Variants in GNG7 observed in about 807,000 individuals in gnomAD.
GNG7 encodes the protein G protein subunit gamma 7, also known as guanine nucleotide-binding protein G(I)/G(S)/G(O) subunit gamma-7.
In GNG7, 1 loss-of-function variant was observed where a neutral mutation model predicts 4.0. The ratio of observed to expected loss-of-function variants is 0.25; its 90% CI spans 0.09 to 1.18. GNG7 has a LOEUF of 1.18. Among genes scored for constraint, GNG7 ranks in the 50% most tolerant of loss-of-function variants. The pLI is 0.50. For missense variants in GNG7, 86 were observed against 91.9 expected, an observed-to-expected ratio of 0.94 and a Z score of 0.26; for synonymous variants, 34 against 36.9, an observed-to-expected ratio of 0.92 and a Z score of 0.29.
rs549049441 is a variant in GNG7 at position 2,689,354 on chromosome 19, C to T, written c.-135+13292G>A. ...GCTCCTAACAAGACCACATTTGGGC[C>T]GGGCTCGGTGGGCCTCCCAGCACTT... On this transcript the variant is annotated intron_variant, in intron 1 of 4. Coordinates refer to ENST00000382159, the MANE Select transcript of GNG7 (RefSeq NM_052847.3). Among the ~76,000 whole-genome samples, 8 of 151,624 alleles carry T rather than the reference C, an allele frequency of 5.3e-5. No individual in the cohort carries two copies. In the East Asian group the frequency reaches 1.2e-3, roughly 22 times the overall value.
In GNG7 at chr19:2,634,646, G is replaced by A. The variant is rs190369730; in HGVS notation, c.-78+11578C>T. ...GTAGCAATGAGCTGTGACCTTCCGG[G>A]AGCAGAGCGTTTTCAGGCTCTGGCT... On this transcript the variant is annotated intron_variant, in intron 2 of 4. Coordinates refer to ENST00000382159, the MANE Select transcript of GNG7 (RefSeq NM_052847.3). This position sits in a 1 kb window ranked among gnomAD's most constrained non-coding sequence, Gnocchi z 5.3. Among the ~76,000 whole-genome samples the A allele has an allele frequency of 6.6e-6, 1 of 152,268 alleles. No homozygotes were observed. Among genetic ancestry groups the A allele is most frequent in the East Asian group, 1.9e-4 (1 of 5,184 alleles).
At chr19:2,544,558 T>G (rs1979064476) in intron 3 of GNG7, among the ~76,000 whole-genome samples, 1 of 152,088 alleles carries the variant, frequency 6.6e-6, no homozygotes, top group Non-Finnish European at 1.5e-5. Flanking sequence ...GCCCAGCTAA[T>G]TTTTGCATTT....
intron 2 of GNG7, among the ~76,000 whole-genome samples, chr19:2,555,662 G>T (rs767131429): frequency 1.2e-4 from 19 of 152,166 alleles, no homozygotes; most frequent in Non-Finnish European, 2.9e-5. Flanking sequence ...AATTAACCCC[G>T]AATGGAGGAA....
intron 2 of GNG7, among the ~76,000 whole-genome samples, chr19:2,637,061 C>T (rs1015814735): frequency 2.6e-5 from 4 of 152,034 alleles, no homozygotes; most frequent in African/African-American, 9.7e-5. Flanking sequence ...CACTGCACCC[C>T]CGTCCCTACC....
intron 1 of GNG7, among the ~76,000 whole-genome samples, chr19:2,701,661 C>T (rs1913403848): frequency 6.6e-6 from 1 of 150,466 alleles, no homozygotes; most frequent in African/African-American, 2.5e-5. Context: ...ATCTAATTCC[C>T]TCTGCAGCCC....
intron 2 of GNG7, among the ~76,000 whole-genome samples, chr19:2,594,567 T>G (rs1174951834): frequency 1.3e-5 from 2 of 152,244 alleles, no homozygotes; most frequent in South Asian, 2.1e-4. Flanking sequence ...CAACGGGAAT[T>G]AACATTCTGC....
chr19:2,583,624 G>C (rs1435482357), intron 2 of GNG7, among the ~76,000 whole-genome samples: 1 of 152,130 alleles, frequency 6.6e-6, no homozygotes, highest in Non-Finnish European at 1.5e-5. Flanking sequence ...CCCATAAATA[G>C]GATTGTGCAG....
intron 1 of GNG7, among the ~76,000 whole-genome samples, chr19:2,690,924 G>A (rs1048390596): frequency 6.6e-6 from 1 of 152,132 alleles, no homozygotes; most frequent in African/African-American, 2.4e-5. Context: ...TACCACAATG[G>A]TGGACACGTA....
chr19:2,667,162 A>T (rs1460328227), intron 1 of GNG7, among the ~76,000 whole-genome samples: 1 of 152,064 alleles, frequency 6.6e-6, no homozygotes, highest in African/African-American at 2.4e-5. Flanking sequence ...CGTCTCTATT[A>T]AAAATACAAA....
chr19:2,569,948 T>G (rs10416033), intron 2 of GNG7, among the ~76,000 whole-genome samples: 124,073 of 152,124 alleles, frequency 0.82, 50,789 homozygotes, highest in African/African-American at 0.85. Flanking sequence ...GACTGAGCAA[T>G]GTCAGTGACA....
At chr19:2,581,792 G>A (rs896895984) in intron 2 of GNG7, among the ~76,000 whole-genome samples, 2 of 152,214 alleles carry the variant, frequency 1.3e-5, no homozygotes, top group African/African-American at 4.8e-5. Context: ...ACAACTTTGT[G>A]GAATAAAATA....
At chr19:2,648,567 T>C (rs1982727934) in intron 1 of GNG7, among the ~76,000 whole-genome samples, 1 of 152,250 alleles carries the variant, frequency 6.6e-6, no homozygotes, top group Non-Finnish European at 1.5e-5. Flanking sequence ...GTTTCCGTTC[T>C]ACGAGCTCAG....
intron 2 of GNG7, among the ~76,000 whole-genome samples, chr19:2,590,470 C>A (rs1205102370): frequency 6.6e-6 from 1 of 152,000 alleles, no homozygotes; most frequent in African/African-American, 2.4e-5. Flanking sequence ...TCTATCCATT[C>A]ATCCACCCAT....
chr19:2,564,218 T>A (rs1979833063), intron 2 of GNG7, among the ~76,000 whole-genome samples: 1 of 152,116 alleles, frequency 6.6e-6, no homozygotes, highest in Non-Finnish European at 1.5e-5. Context: ...ATGATACGGA[T>A]CTTGGGATGA....
At chr19:2,564,560 C>T (rs530181072) in intron 2 of GNG7, among the ~76,000 whole-genome samples, 140 of 152,162 alleles carry the variant, frequency 9.2e-4, no homozygotes, top group Middle Eastern at 3.4e-3. Context: ...GGTGACAGAG[C>T]AAGACTCTGT....
At chr19:2,637,054 T>C (rs1348828450) in intron 2 of GNG7, among the ~76,000 whole-genome samples, 2 of 150,940 alleles carry the variant, frequency 1.3e-5, no homozygotes, top group Non-Finnish European at 3.0e-5. Context: ...GCACACCCAC[T>C]GCACCCCCGT....
At position 2,546,518 on chromosome 19, in the gene GNG7, GC is replaced by G. The variant is rs375802212; in HGVS notation, c.-38+8630del. On this transcript the variant is annotated intron_variant, in intron 3 of 4. Transcript: ENST00000382159. The surrounding 1 kb of genome is among the most constrained non-coding windows in gnomAD (Gnocchi z 6.3). Reference sequence around the variant, plus strand: ...CTTGTGACTGTCCCTGTCAGTGTGGGCCCTTTGCTCTCAGGCTAAATCGGTC... The same window carrying G: ...CTTGTGACTGTCCCTGTCAGTGTGGGCCTTTGCTCTCAGGCTAAATCGGTC... Among the ~76,000 whole-genome samples the G allele has an allele frequency of 5.4e-4, 82 of 152,326 alleles. No homozygotes were observed. The East Asian group carries it at 0.013, about 24-fold the overall frequency.
At chr19:2,522,590 C>T (rs1485977612) in intron 3 of GNG7, among the ~76,000 whole-genome samples, 13 of 151,284 alleles carry the variant, frequency 8.6e-5, no homozygotes, top group Admixed American at 4.6e-4. Context: ...CTGGCTAACA[C>T]GGTGAAACCC....
At chr19:2,597,986 A>G (rs1240600809) in intron 2 of GNG7, among the ~76,000 whole-genome samples, 1 of 152,060 alleles carries the variant, frequency 6.6e-6, no homozygotes, top group East Asian at 1.9e-4. Context: ...TGCTGTACGT[A>G]TCTATGTGAG....
Sources: gnomAD v4.1 joint callset for allele counts (sites outside exome capture counted in the v4.1 genomes callset) on GRCh38, gnomAD v4.1.1 for gene constraint, Gnocchi (gnomAD v3.1) non-coding constraint, MANE v1.5 for transcripts, NCBI Gene and HGNC (gene_info 2026-07-23, HGNC 2026-07-21) for gene names.